Variants in SCLT1 observed in about 807,000 individuals in gnomAD.
The protein encoded by SCLT1 is sodium channel-associated protein 1.
SCLT1 carries 78 observed loss-of-function variants against 112.8 expected under a neutral mutation model. The ratio of observed to expected loss-of-function variants is 0.69; its 90% CI spans 0.58 to 0.83. The LOEUF (loss-of-function observed/expected upper bound fraction) is 0.83. Among genes scored for constraint, SCLT1 ranks in the 40% least tolerant of loss-of-function variants. The pLI, the probability that SCLT1 is intolerant of heterozygous loss-of-function variation, is 0.00. For missense variants in SCLT1, 747 were observed against 770.4 expected, an observed-to-expected ratio of 0.97 and a Z score of 0.36; for synonymous variants, 257 against 254.7, an observed-to-expected ratio of 1.01 and a Z score of -0.09.
At chr4:129,075,018 T>C (rs572517699) in intron 2 of SCLT1, among the ~76,000 whole-genome samples, 2 of 152,244 alleles carry the variant, frequency 1.3e-5, no homozygotes, top group East Asian at 3.9e-4. Flanking sequence ...ATCTTTGCTC[T>C]CCAGATGACT....
At chr4:128,891,023 AG>A (rs1219217038) in intron 19 of SCLT1, 35 bp downstream of exon 19, 2 of 1,432,056 alleles carry the variant, frequency 1.4e-6, no homozygotes, top group African/African-American at 1.4e-5. Context: ...ATCATGCTGC[AG>A]CAGAAAGCAC....
intron 14 of SCLT1, among the ~76,000 whole-genome samples, chr4:128,949,259 T>C (rs889949312): frequency 8.7e-5 from 13 of 149,882 alleles, no homozygotes; most frequent in African/African-American, 3.2e-4. Flanking sequence ...CACATGTGTA[T>C]GTTAATAGGA....
At chr4:128,919,543 A>C (rs903498718) in intron 18 of SCLT1, among the ~76,000 whole-genome samples, 6 of 152,132 alleles carry the variant, frequency 3.9e-5, no homozygotes, top group African/African-American at 1.4e-4. Context: ...GCAGAAGACA[A>C]TAAATAACAA....
rs181927354 is a variant in SCLT1, at chr4:129,028,841, A to T, written c.290+10200T>A. 8.5e-5 allele frequency among the ~76,000 whole-genome samples: 13 copies of T among 152,206 alleles called. No individual in the cohort carries two copies. The East Asian group carries it at 2.5e-3, about 29-fold the overall frequency. ...CCAACAAATTTACAACAAAAAAAAA[A>T]CCATCCCATCAAAAAGTGGGCAAAG... On this transcript the variant is annotated intron_variant, in intron 5 of 20. Transcript: ENST00000281142.
At position 128,969,922 on chromosome 4, in the gene SCLT1, G is replaced by A. The variant is rs996701591; in HGVS notation, c.777+456C>T. Among the ~76,000 whole-genome samples the A allele has an allele frequency of 5.9e-5, 9 of 152,124 alleles. 1 individual carries two copies. The highest frequency in any genetic ancestry group is 5.2e-4 in the Admixed American group (8 of 15,274). ...ACATAGCTAATAAGTCCCAGAGTGA[G>A]AATTTTCAATAATTATATCTATCTA... On this transcript the variant is annotated intron_variant, in intron 10 of 20. Transcript: ENST00000281142.
intron 18 of SCLT1, among the ~76,000 whole-genome samples, chr4:128,896,997 A>T (rs1289768809): frequency 6.6e-6 from 1 of 152,202 alleles, no homozygotes; most frequent in Non-Finnish European, 1.5e-5. Context: ...AGAAACGAAC[A>T]AAGCCTCCAA....
chr4:128,966,442 C>T (rs901063201), intron 10 of SCLT1, among the ~76,000 whole-genome samples: 5 of 152,156 alleles, frequency 3.3e-5, no homozygotes, highest in Admixed American at 6.5e-5. Context: ...TATCCATGTA[C>T]GATCCCAGTC....
At chr4:129,040,341 G>C in intron 4 of SCLT1, 1 of 610,820 alleles carries the variant, frequency 1.6e-6, no homozygotes, top group African/African-American at 1.8e-5. Context: ...GCCATGGCAA[G>C]AGGTTTGGAT....
chr4:128,945,731 A>T (rs562606951), intron 16 of SCLT1, among the ~76,000 whole-genome samples: 5 of 152,282 alleles, frequency 3.3e-5, no homozygotes, highest in Admixed American at 6.5e-5. Flanking sequence ...TAATAGCTGC[A>T]CAATTGGTAC....
chr4:129,018,692 T>C (rs1458548033), intron 5 of SCLT1, among the ~76,000 whole-genome samples: 1 of 152,178 alleles, frequency 6.6e-6, no homozygotes, highest in Non-Finnish European at 1.5e-5. Context: ...CTTGGCATTA[T>C]ACCAAATAAT....
intron 7 of SCLT1, among the ~76,000 whole-genome samples, chr4:128,999,399 T>C (rs1320895993): frequency 6.6e-6 from 1 of 152,004 alleles, no homozygotes; most frequent in Non-Finnish European, 1.5e-5. Context: ...GGTTTATTTA[T>C]ACAAAATAAT....
chr4:129,044,924 C>T (rs555240776), intron 2 of SCLT1, among the ~76,000 whole-genome samples: 3 of 150,750 alleles, frequency 2.0e-5, no homozygotes, highest in South Asian at 2.1e-4. Flanking sequence ...AAACAGTATG[C>T]TATAGGTACA....
chr4:129,048,999 T>C (rs925697260), intron 2 of SCLT1, among the ~76,000 whole-genome samples: 7 of 151,808 alleles, frequency 4.6e-5, no homozygotes, highest in Non-Finnish European at 7.4e-5. Context: ...GGAGAGGATG[T>C]GGAGAAATAG....
intron 5 of SCLT1, among the ~76,000 whole-genome samples, chr4:129,024,015 T>G (rs1406333767): frequency 6.6e-6 from 1 of 152,180 alleles, no homozygotes; most frequent in Non-Finnish European, 1.5e-5. Context: ...CCAGGCTTGC[T>G]TAGGTAAACA....
chr4:129,066,641 T>C (rs1750512847), intron 2 of SCLT1, among the ~76,000 whole-genome samples: 1 of 152,104 alleles, frequency 6.6e-6, no homozygotes, highest in Non-Finnish European at 1.5e-5. Flanking sequence ...TAAATTTCTT[T>C]GTCAAGAGAA....
chr4:128,976,108 T>C (rs1741153225), intron 9 of SCLT1, among the ~76,000 whole-genome samples: 2 of 152,222 alleles, frequency 1.3e-5, no homozygotes, highest in African/African-American at 2.4e-5. Flanking sequence ...AGATACAATA[T>C]TCTATGATAC....
chr4:128,952,201 G>A (rs563738840), intron 14 of SCLT1: 1 of 385,812 alleles, frequency 2.6e-6, no homozygotes, highest in Admixed American at 3.3e-5. Context: ...GTGATACAGG[G>A]AGTCAGAAAA....
intron 2 of SCLT1, among the ~76,000 whole-genome samples, chr4:129,070,284 G>GA (rs1429899579): frequency 6.6e-6 from 1 of 152,080 alleles, no homozygotes; most frequent in Non-Finnish European, 1.5e-5. Flanking sequence ...ATGAATTAGG[G>GA]AGGGTTCTTT....
At chr4:128,987,612 G>A (rs1742211515) in intron 9 of SCLT1, among the ~76,000 whole-genome samples, 1 of 152,062 alleles carries the variant, frequency 6.6e-6, no homozygotes, top group South Asian at 2.1e-4. Flanking sequence ...AAGAATCCAT[G>A]AGCTTGGAGA....
Sources: allele counts gnomAD v4.1 joint callset (sites outside exome capture counted in the v4.1 genomes callset), GRCh38; gene constraint gnomAD v4.1.1; transcripts MANE v1.5; gene names NCBI Gene and HGNC (gene_info 2026-07-23, HGNC 2026-07-21).